Variants in INPP5A observed in about 807,000 individuals in gnomAD.
INPP5A encodes the protein inositol polyphosphate-5-phosphatase A.
A neutral mutation model predicts 65.2 loss-of-function variants in INPP5A; 14 were observed. That is an observed-to-expected ratio of 0.21 (90% confidence interval 0.14 to 0.34). INPP5A has a LOEUF of 0.34. Among genes scored for constraint, INPP5A ranks in the 10% least tolerant of loss-of-function variants. The pLI is 1.00. For synonymous variants in INPP5A, 207 were observed against 208.3 expected, an observed-to-expected ratio of 0.99 and a Z score of 0.05; for missense variants, 431 against 545.6, an observed-to-expected ratio of 0.79 and a Z score of 2.09.
chr10:132,668,043 CT>C (rs2072830493), intron 4 of INPP5A, among the ~76,000 whole-genome samples: 1 of 152,110 alleles, frequency 6.6e-6, no homozygotes. Flanking sequence ...TCAAGTGTAA[CT>C]TTTACAAGTA....
At chr10:132,721,422 C>CT (rs1845877143) in intron 8 of INPP5A, among the ~76,000 whole-genome samples, 3 of 148,274 alleles carry the variant, frequency 2.0e-5, no homozygotes, top group Non-Finnish European at 4.5e-5. Context: ...GTGCCTTAGA[C>CT]GGCTGGCTTC....
intron 4 of INPP5A, among the ~76,000 whole-genome samples, chr10:132,680,689 C>T (rs866127244): frequency 4.1e-3 from 608 of 148,438 alleles, no homozygotes; most frequent in African/African-American, 0.015. Context: ...ACCGGGGCTG[C>T]GCGTGGCGCT....
At chr10:132,758,409 C>G (rs995805559) in intron 11 of INPP5A, among the ~76,000 whole-genome samples, 2 of 149,262 alleles carry the variant, frequency 1.3e-5, no homozygotes, top group African/African-American at 5.0e-5. Context: ...GACCCCACAA[C>G]ACAGTGCCGT....
intron 1 of INPP5A, among the ~76,000 whole-genome samples, chr10:132,595,341 T>TG (rs2071672755): frequency 6.6e-6 from 1 of 152,174 alleles, no homozygotes; most frequent in Non-Finnish European, 1.5e-5. Flanking sequence ...TTCAATCCAT[T>TG]TTTTTAGAGT....
At chr10:132,669,044 GGAGATA>G (rs918002004) in intron 4 of INPP5A, among the ~76,000 whole-genome samples, 3 of 152,252 alleles carry the variant, frequency 2.0e-5, no homozygotes, top group African/African-American at 7.2e-5. Context: ...CACGAGGTCA[GGAGATA>G]GAGACCATTC....
At position 132,762,563 on chromosome 10, in the gene INPP5A, C is replaced by T. The variant is rs1846753399; in HGVS notation, c.904-3210C>T. On this transcript the variant is annotated intron_variant, in intron 11 of 15. Coordinates refer to ENST00000368594, the MANE Select transcript of INPP5A (RefSeq NM_005539.5). The surrounding 1 kb of genome is among the most constrained non-coding windows in gnomAD (Gnocchi z 4.6). Reference sequence around the variant, plus strand: ...AGTACCTGGCGATGGAGAGACACAGCCCCACCAGCAGGTCCCACAGAGAAC... The same window carrying T: ...AGTACCTGGCGATGGAGAGACACAGTCCCACCAGCAGGTCCCACAGAGAAC... Among the ~76,000 whole-genome samples, 1 of 152,170 alleles carries T rather than the reference C, an allele frequency of 6.6e-6. No homozygotes were observed.
intron 1 of INPP5A, among the ~76,000 whole-genome samples, chr10:132,577,690 G>A (rs532124229): frequency 6.6e-6 from 1 of 152,392 alleles, no homozygotes; most frequent in Non-Finnish European, 1.5e-5. Context: ...GGGCCCCTGA[G>A]GAGATGGATG....
At chr10:132,772,504 A>C (rs575016319) in intron 12 of INPP5A, among the ~76,000 whole-genome samples, 2 of 122,450 alleles carry the variant, frequency 1.6e-5, no homozygotes, top group Non-Finnish European at 1.8e-5. Context: ...CACAGAGGCC[A>C]CAGCAGCCAC....
At chr10:132,548,678 T>C (rs1277313805) in intron 1 of INPP5A, among the ~76,000 whole-genome samples, 5 of 152,206 alleles carry the variant, frequency 3.3e-5, no homozygotes, top group African/African-American at 1.2e-4. Flanking sequence ...CCGAGGGCAC[T>C]GTATCGTGAA....
At chr10:132,548,403 A>C (rs751938607) in intron 1 of INPP5A, among the ~76,000 whole-genome samples, 1 of 152,068 alleles carries the variant, frequency 6.6e-6, no homozygotes, top group Non-Finnish European at 1.5e-5. Flanking sequence ...GTGGCCCGGG[A>C]GTCGACTCTG....
At chr10:132,702,817 CCTAGCAG>C (rs1412580659) in intron 6 of INPP5A, among the ~76,000 whole-genome samples, 9 of 152,208 alleles carry the variant, frequency 5.9e-5, no homozygotes, top group Non-Finnish European at 8.8e-5. Flanking sequence ...CATGGGCTGT[CCTAGCAG>C]AGGATGTGGA....
chr10:132,710,111 T>G (rs1845608251), intron 7 of INPP5A, among the ~76,000 whole-genome samples: 2 of 152,246 alleles, frequency 1.3e-5, no homozygotes, highest in Non-Finnish European at 2.9e-5. Flanking sequence ...ACTTTTTAGT[T>G]GCCCAGAGTA....
Position 132,627,766 on chromosome 10 carries a change from G to C in INPP5A, c.118-18102G>C, listed in dbSNP as rs1172249777. On this transcript the variant is annotated intron_variant, in intron 2 of 15. Transcript: ENST00000368594. The surrounding 1 kb of genome is among the most constrained non-coding windows in gnomAD (Gnocchi z 6.6). Reference sequence around the variant, plus strand: ...CAGGGCCTCCTCTTCCCCGTGAAAAGCTTCAGACTTTCTTCATCCTCAGGG... The same window carrying C: ...CAGGGCCTCCTCTTCCCCGTGAAAACCTTCAGACTTTCTTCATCCTCAGGG... Among the ~76,000 whole-genome samples, 4 of 152,156 alleles carry C rather than the reference G, an allele frequency of 2.6e-5. No individual in the cohort carries two copies. The highest frequency in any genetic ancestry group is 5.9e-5 in the Non-Finnish European group (4 of 68,036).
In INPP5A at chr10:132,706,548, A is replaced by G. The variant is rs1384851225; in HGVS notation, c.475-1765A>G. Among the ~76,000 whole-genome samples the G allele has an allele frequency of 1.3e-5, 2 of 152,244 alleles. No homozygotes were observed. The highest frequency in any genetic ancestry group is 1.3e-4 in the Admixed American group (2 of 15,280). ...TGCTTCTTACAGCAGTGGTGGATCC[A>G]GAGTGCAGGGGAAGAATGCAGTGTG... On this transcript the variant is annotated intron_variant, in intron 6 of 15. Coordinates refer to ENST00000368594, the MANE Select transcript of INPP5A (RefSeq NM_005539.5). This position sits in a 1 kb window ranked among gnomAD's most constrained non-coding sequence, Gnocchi z 4.7.
rs1845347596 is a variant in INPP5A, at chr10:132,696,585, G to A, written c.371-1231G>A. On this transcript the variant is annotated intron_variant, in intron 5 of 15. Coordinates refer to ENST00000368594, the MANE Select transcript of INPP5A (RefSeq NM_005539.5). ...AGCCAACCTGAAAAGGCTACACACT[G>A]TGATTCCAACTCTGTGACACTCTGG... Among the ~76,000 whole-genome samples, 4 of 152,318 alleles carry A rather than the reference G, an allele frequency of 2.6e-5. No homozygotes were observed. The South Asian group carries it at 6.2e-4, about 24-fold the overall frequency.
rs1314655799 is a variant in INPP5A, at chr10:132,549,565, G to A, written c.75+11394G>A. Among the ~76,000 whole-genome samples the A allele has an allele frequency of 6.6e-6, 1 of 152,366 alleles. No individual in the cohort carries two copies. The highest frequency in any genetic ancestry group is 2.1e-4 in the South Asian group (1 of 4,834). ...TCTGCCCACCCCTCCAGGAGGGCCTGTGGGATGCGAGGCCTCTGCTACGAG... is the reference window on the plus strand; with the variant it reads ...TCTGCCCACCCCTCCAGGAGGGCCTATGGGATGCGAGGCCTCTGCTACGAG... On this transcript the variant is annotated intron_variant, in intron 1 of 15. Coordinates refer to ENST00000368594, the MANE Select transcript of INPP5A (RefSeq NM_005539.5). The surrounding 1 kb of genome is among the most constrained non-coding windows in gnomAD (Gnocchi z 4.9).
intron 9 of INPP5A, among the ~76,000 whole-genome samples, chr10:132,737,459 G>A (rs1050493553): frequency 6.6e-6 from 1 of 152,210 alleles, no homozygotes; most frequent in Non-Finnish European, 1.5e-5. Context: ...CTACTGCCGT[G>A]GACTAATGTT....
intron 1 of INPP5A, among the ~76,000 whole-genome samples, chr10:132,554,333 T>A (rs144874441): frequency 9.1e-4 from 138 of 152,214 alleles, no homozygotes; most frequent in Middle Eastern, 3.4e-3. Context: ...GTCCAGTGGC[T>A]GGAGGGTGGC....
chr10:132,752,982 G>A (rs1350258527), intron 11 of INPP5A, among the ~76,000 whole-genome samples: 7 of 152,140 alleles, frequency 4.6e-5, no homozygotes, highest in East Asian at 1.9e-4. Context: ...GCACTGTGTC[G>A]ATACGTCGGG....
Sources: gnomAD v4.1 joint callset for allele counts (sites outside exome capture counted in the v4.1 genomes callset) on GRCh38, gnomAD v4.1.1 for gene constraint, Gnocchi (gnomAD v3.1) non-coding constraint, MANE v1.5 for transcripts, NCBI Gene and HGNC (gene_info 2026-07-23, HGNC 2026-07-21) for gene names.